The following RORA variants were observed in gnomAD, a reference collection of about 807,000 sequenced individuals.
The protein encoded by RORA is nuclear receptor ROR-alpha.
A neutral mutation model predicts 69.5 loss-of-function variants in RORA; 7 were observed. That is an observed-to-expected ratio of 0.10 (90% CI 0.06 to 0.19). The LOEUF is 0.19. RORA is among the 10% of genes least tolerant of loss of function. The pLI, the probability that RORA is intolerant of heterozygous loss-of-function variation, is 1.00. For missense variants in RORA, 457 were observed against 663.0 expected (o/e 0.69, Z 3.41); for synonymous variants, 261 against 240.8 (o/e 1.08, Z -0.78).
intron 1 of RORA, among the ~76,000 whole-genome samples, chr15:60,873,249 CTGTGTGTGTG>C (rs1327348662): frequency 5.4e-4 from 1 of 1,862 alleles, no homozygotes; most frequent in Non-Finnish European, 1.4e-3. Context: ...GTGTGTGTGT[CTGTGTGTGTG>C]TGTCTGTGTG....
intron 2 of RORA, among the ~76,000 whole-genome samples, chr15:60,558,991 ATTT>A (rs1162963980): frequency 6.6e-6 from 1 of 152,162 alleles, no homozygotes; most frequent in Non-Finnish European, 1.5e-5. Flanking sequence ...AGAGTTAAAT[ATTT>A]TTTATTTGAT....
intron 1 of RORA, among the ~76,000 whole-genome samples, chr15:60,997,334 A>G (rs11637844): frequency 0.45 from 68,434 of 151,748 alleles, 16,405 homozygotes; most frequent in Non-Finnish European, 0.54. Context: ...AGAGGCTCAG[A>G]GAAGGAAAAC....
At chr15:60,925,554 A>T (rs1054645142) in intron 1 of RORA, among the ~76,000 whole-genome samples, 8 of 152,114 alleles carry the variant, frequency 5.3e-5, no homozygotes, top group Admixed American at 5.2e-4. Context: ...CTCAGAGGGG[A>T]GTCAGGGAAT....
In RORA at chr15:60,618,361, A is replaced by C. The variant is rs548998031; in HGVS notation, c.196+60296T>G. Among the ~76,000 whole-genome samples, 28 of 152,290 alleles carry C rather than the reference A, an allele frequency of 1.8e-4. No homozygotes were observed. The South Asian group carries it at 5.8e-3, about 32-fold the overall frequency. ...CTACCCACACAGCCCCTACAGATAC[A>C]TGTAGCAGGTGGTGACACAGATCCC... is the stretch of plus-strand genomic sequence containing the variant. On this transcript the variant is annotated intron_variant, in intron 2 of 10. Transcript: ENST00000335670.
At chr15:61,148,528 T>C (rs1316621096) in intron 1 of RORA, among the ~76,000 whole-genome samples, 1 of 152,120 alleles carries the variant, frequency 6.6e-6, no homozygotes, top group Non-Finnish European at 1.5e-5. Flanking sequence ...CATGAAACAG[T>C]AGATCCACTC....
intron 1 of RORA, among the ~76,000 whole-genome samples, chr15:60,720,445 C>T (rs2071279302): frequency 2.6e-5 from 4 of 152,314 alleles, no homozygotes; most frequent in South Asian, 2.1e-4. Context: ...AATACTGGAA[C>T]GAACCCAGTC....
intron 1 of RORA, among the ~76,000 whole-genome samples, chr15:60,988,847 C>T (rs1413411831): frequency 2.0e-5 from 3 of 152,196 alleles, no homozygotes; most frequent in African/African-American, 7.2e-5. Flanking sequence ...TTTCCACTTA[C>T]TTTTCAGTTG....
Position 60,620,467 on chromosome 15 carries a change from C to T in RORA, c.196+58190G>A, listed in dbSNP as rs73424038. Among the ~76,000 whole-genome samples, 1,443 of 152,260 alleles carry T rather than the reference C, an allele frequency of 9.5e-3. 17 individuals are homozygous for T. Among genetic ancestry groups the T allele is most frequent in the African/African-American group, 0.031 (1,308 of 41,534 alleles). On this transcript the variant is annotated intron_variant, in intron 2 of 10. Coordinates refer to ENST00000335670, the MANE Select transcript of RORA (RefSeq NM_134261.3). ...AGTGTCTGGCATGCAGCAAATGGTACGTATTTTTAAATGAAAATAAAAATT... is the reference window on the plus strand; with the variant it reads ...AGTGTCTGGCATGCAGCAAATGGTATGTATTTTTAAATGAAAATAAAAATT...
chr15:60,622,912 CACCATATTG>C (rs2069456710), intron 2 of RORA, among the ~76,000 whole-genome samples: 1 of 152,016 alleles, frequency 6.6e-6, no homozygotes, highest in Non-Finnish European at 1.5e-5. Context: ...GATGGGGTTT[CACCATATTG>C]GCCAGGCTGG....
intron 1 of RORA, among the ~76,000 whole-genome samples, chr15:60,854,635 C>G (rs2073361541): frequency 6.6e-6 from 1 of 152,224 alleles, no homozygotes; most frequent in Non-Finnish European, 1.5e-5. Context: ...TGTAGCACTT[C>G]AGCTAAGCTT....
chr15:60,971,805 G>C (rs1317686634), intron 1 of RORA, among the ~76,000 whole-genome samples: 2 of 152,198 alleles, frequency 1.3e-5, no homozygotes, highest in African/African-American at 2.4e-5. Flanking sequence ...GGAGAGATGT[G>C]GATGTTCCTT....
chr15:61,166,897 T>C (rs773399257), intron 1 of RORA, among the ~76,000 whole-genome samples: 10 of 152,146 alleles, frequency 6.6e-5, no homozygotes, highest in Non-Finnish European at 1.2e-4. Flanking sequence ...TTAGATTACT[T>C]TTCCCCATCC....
At chr15:60,937,645 G>A (rs1333484104) in intron 1 of RORA, among the ~76,000 whole-genome samples, 2 of 152,144 alleles carry the variant, frequency 1.3e-5, no homozygotes, top group Non-Finnish European at 2.9e-5. Flanking sequence ...AGTAGTGTCT[G>A]CTACCACCAA....
In RORA at chr15:60,491,151, A is replaced by G. The variant is rs923080885; in HGVS notation, c.*6304T>C. 1.3e-5 allele frequency: 2 copies of G among 152,224 alleles called. No individual in the cohort carries two copies. The highest frequency in any genetic ancestry group is 2.1e-4 in the South Asian group (1 of 4,836). 9.4% of individuals were successfully genotyped at this position (152,224 alleles called of 1,614,324 possible). On this transcript the variant is annotated 3_prime_UTR_variant, in exon 11 of 11. Transcript: ENST00000335670. Reference sequence around the variant, plus strand: ...TTTTTTTTGTGAAATCATTTTCACTATATTGCTCAAGAATTATCTGCATTT... The same window carrying G: ...TTTTTTTTGTGAAATCATTTTCACTGTATTGCTCAAGAATTATCTGCATTT...
chr15:60,934,467 T>TTTG (rs59877483), intron 1 of RORA, among the ~76,000 whole-genome samples: 13,085 of 146,946 alleles, frequency 0.089, 783 homozygotes, highest in African/African-American at 0.17. Flanking sequence ...GGCCCAAGAG[T>TTTG]TTGTTGTTGT....
rs762541964 is a variant in RORA, at chr15:61,219,715, C to A, written c.166+9338G>T. 2.6e-5 allele frequency among the ~76,000 whole-genome samples: 4 copies of A among 152,174 alleles called. No homozygotes were observed. The East Asian group carries it at 7.7e-4, about 29-fold the overall frequency. On this transcript the variant is annotated intron_variant, in intron 1 of 10. Transcript: ENST00000335670. ...TTGCTGCTTACTAGGAATGTGATCTCGAACACGTTACCTTTGTCAGCATCA... is the reference window on the plus strand; with the variant it reads ...TTGCTGCTTACTAGGAATGTGATCTAGAACACGTTACCTTTGTCAGCATCA...
intron 1 of RORA, among the ~76,000 whole-genome samples, chr15:60,996,771 G>C (rs921739076): frequency 7.2e-5 from 11 of 152,076 alleles, no homozygotes; most frequent in African/African-American, 2.7e-4. Context: ...TTAGCCGGGA[G>C]TGGTGGCAGG....
At chr15:60,592,321 C>A in intron 2 of RORA, 1 of 1,204,138 alleles carries the variant, frequency 8.3e-7, no homozygotes. Context: ...CCTCCCCCTG[C>A]GCGCCCTCCT....
chr15:60,941,983 T>C (rs1892711132), intron 1 of RORA, among the ~76,000 whole-genome samples: 1 of 152,198 alleles, frequency 6.6e-6, no homozygotes, highest in African/African-American at 2.4e-5. Flanking sequence ...GCAAATCTCC[T>C]ATGCATAAAA....
Sources: gnomAD v4.1 joint callset for allele counts (sites outside exome capture counted in the v4.1 genomes callset) on GRCh38, gnomAD v4.1.1 for gene constraint, MANE v1.5 for transcripts, NCBI Gene and HGNC (gene_info 2026-07-23, HGNC 2026-07-21) for gene names.